XRCC4: variants seen among roughly 807,000 people sequenced by gnomAD.
XRCC4 encodes the protein DNA repair protein XRCC4.
Under a neutral mutation model 39.1 loss-of-function variants are expected in XRCC4, and 28 were observed. The observed-to-expected ratio is 0.72, with a 90% CI of 0.53 to 0.98. The LOEUF is 0.98. Among genes scored for constraint, XRCC4 ranks in the 50% least tolerant of loss-of-function variants. The pLI, the probability that XRCC4 is intolerant of heterozygous loss-of-function variation, is 0.00. For missense variants in XRCC4, 350 were observed against 376.4 expected, an observed-to-expected ratio of 0.93 and a Z score of 0.58; for synonymous variants, 123 against 126.4, an observed-to-expected ratio of 0.97 and a Z score of 0.18.
the XRCC4 span, among the ~76,000 whole-genome samples, chr5:83,369,990 A>G: frequency 3.0e-4 from 45 of 152,138 alleles, no homozygotes; most frequent in Non-Finnish European, 1.9e-4. Flanking sequence ...ATTTGAAAAT[A>G]TGAGTCTTTT....
chr5:83,199,213 TCTC>T (rs1751073339), intron 4 of XRCC4, among the ~76,000 whole-genome samples: 1 of 152,126 alleles, frequency 6.6e-6, no homozygotes, highest in African/African-American at 2.4e-5. Flanking sequence ...GATATCTTCA[TCTC>T]CTCTTGATAG....
Position 83,111,525 on chromosome 5 carries a change from T to C in XRCC4, c.315+322T>C, listed in dbSNP as rs1018181087. Among the ~76,000 whole-genome samples the C allele has an allele frequency of 3.3e-5, 5 of 151,654 alleles. No individual in the cohort carries two copies. The South Asian group carries it at 8.3e-4, about 25-fold the overall frequency. On this transcript the variant is annotated intron_variant, in intron 3 of 7. Transcript: ENST00000396027. The stretch of plus-strand genomic sequence containing the variant: ...TTTTAGGCCATCGTGACAGGTCTTA[T>C]TGAAAAAAGTTTTGTGAAATATTGA...
intron 7 of XRCC4, among the ~76,000 whole-genome samples, chr5:83,318,492 G>T (rs1318871591): frequency 1.0e-4 from 7 of 68,570 alleles, no homozygotes; most frequent in African/African-American, 6.4e-4. Context: ...AAGCTGATAA[G>T]CAACTTCAGC....
chr5:83,148,793 G>T (rs921345529), intron 3 of XRCC4, among the ~76,000 whole-genome samples: 1 of 151,366 alleles, frequency 6.6e-6, no homozygotes, highest in African/African-American at 2.4e-5. Context: ...GCTTACTTAG[G>T]ACATCAATAA....
intron 5 of XRCC4, 116 bp downstream of exon 5, chr5:83,203,823 C>T: frequency 1.6e-6 from 2 of 1,270,188 alleles, no homozygotes; most frequent in African/African-American, 3.0e-5. Context: ...ATTTGGTAGT[C>T]TGGATGTGGA....
chr5:83,122,574 A>C (rs1747061961), intron 3 of XRCC4, among the ~76,000 whole-genome samples: 1 of 152,128 alleles, frequency 6.6e-6, no homozygotes, highest in African/African-American at 2.4e-5. Context: ...GTAGTTTTCA[A>C]ATTATAGATC....
chr5:83,204,992 C>A, intron 6 of XRCC4, 71 bp downstream of exon 6: 1 of 1,048,638 alleles, frequency 9.5e-7, no homozygotes, highest in Non-Finnish European at 1.4e-6. Context: ...TGACAAGAAA[C>A]CATAATGGAA....
intron 7 of XRCC4, among the ~76,000 whole-genome samples, chr5:83,344,130 T>TCA (rs61032306): frequency 0.25 from 36,880 of 147,926 alleles, 4,895 homozygotes; most frequent in Middle Eastern, 0.33. Context: ...GACACAGATC[T>TCA]CACACACACA....
At chr5:83,158,509 CTAAA>C (rs1294948692) in intron 3 of XRCC4, among the ~76,000 whole-genome samples, 1 of 151,920 alleles carries the variant, frequency 6.6e-6, no homozygotes, top group African/African-American at 2.4e-5. Flanking sequence ...CTGATATACA[CTAAA>C]TAAATAGCAG....
At chr5:83,199,578 T>C (rs1388134131) in intron 4 of XRCC4, among the ~76,000 whole-genome samples, 1 of 152,130 alleles carries the variant, frequency 6.6e-6, no homozygotes, top group African/African-American at 2.4e-5. Context: ...TATATATCTA[T>C]TATTTTATTT....
At chr5:83,137,361 A>T (rs571169627) in intron 3 of XRCC4, among the ~76,000 whole-genome samples, 4 of 152,326 alleles carry the variant, frequency 2.6e-5, no homozygotes, top group African/African-American at 9.6e-5. Flanking sequence ...GATGCAATGT[A>T]GTCTAGTTGT....
chr5:83,092,810 C>G (rs1352461764), intron 1 of XRCC4, among the ~76,000 whole-genome samples: 1 of 151,862 alleles, frequency 6.6e-6, no homozygotes, highest in Non-Finnish European at 1.5e-5. Context: ...AGATTCAAGA[C>G]ATACCACACA....
chr5:83,342,032 C>T (rs562120664), intron 7 of XRCC4, among the ~76,000 whole-genome samples: 9 of 152,192 alleles, frequency 5.9e-5, no homozygotes, highest in South Asian at 2.1e-4. Flanking sequence ...TTTCCACCAA[C>T]GTGACAGTTT....
At chr5:83,354,885 C>G (rs749557368), downstream of XRCC4, among the ~76,000 whole-genome samples, 1 of 152,102 alleles carries the variant, frequency 6.6e-6, no homozygotes, top group Non-Finnish European at 1.5e-5. Flanking sequence ...CACTGGTCTC[C>G]CTGCTTAATT....
At chr5:83,273,969 T>A (rs150917263) in intron 7 of XRCC4, among the ~76,000 whole-genome samples, 10 of 152,168 alleles carry the variant, frequency 6.6e-5, no homozygotes. Flanking sequence ...TTTCTAGTTG[T>A]AGATACTGCT....
At position 83,203,555 on chromosome 5, in the gene XRCC4, T is replaced by G; in HGVS notation, c.486T>G (p.Phe162Leu). The change falls in exon 5 of 8, where the codon TTT becomes TTG. Residue 162 changes from phenylalanine to leucine, a missense_variant. Transcript: ENST00000396027. Reference protein sequence around the residue: ...LRDWNDVQGRFEKCVSAKEAL... With the variant: ...LRDWNDVQGRLEKCVSAKEAL... ...GTTTACTTATTTACTTTTTTAGATTTGAAAAATGTGTGAGTGCTAAGGAAG... is the reference window on the plus strand; with the variant it reads ...GTTTACTTATTTACTTTTTTAGATTGGAAAAATGTGTGAGTGCTAAGGAAG... 6.3e-7 allele frequency: 1 copy of G among 1,579,014 alleles called. No individual in the cohort carries two copies. Among genetic ancestry groups the G allele is most frequent in the Non-Finnish European group, 8.6e-7 (1 of 1,168,516 alleles).
chr5:83,289,957 G>A (rs1754860705), intron 7 of XRCC4, among the ~76,000 whole-genome samples: 1 of 151,772 alleles, frequency 6.6e-6, no homozygotes, highest in African/African-American at 2.4e-5. Flanking sequence ...AAAGGATGGA[G>A]ACTCCCTAAG....
chr5:83,351,947 A>G (rs1393894606), intron 7 of XRCC4, among the ~76,000 whole-genome samples: 2 of 152,182 alleles, frequency 1.3e-5, no homozygotes, highest in Admixed American at 6.5e-5. Flanking sequence ...AAACTCTTAC[A>G]TAGTTTATGG....
intron 7 of XRCC4, among the ~76,000 whole-genome samples, chr5:83,259,972 T>C (rs981316178): frequency 1.3e-5 from 2 of 152,068 alleles, no homozygotes; most frequent in African/African-American, 2.4e-5. Flanking sequence ...ATAAACATTG[T>C]ATAGTGGGAT....
Sources: allele counts gnomAD v4.1 joint callset (sites outside exome capture counted in the v4.1 genomes callset), GRCh38; gene constraint gnomAD v4.1.1; transcripts MANE v1.5; gene names NCBI Gene and HGNC (gene_info 2026-07-23, HGNC 2026-07-21).